Variants in ZAN observed in about 807,000 individuals in gnomAD.
ZAN encodes the protein zonadhesin (gene/pseudogene).
In ZAN, 260 loss-of-function variants were observed where a neutral mutation model predicts 286.2. The observed-to-expected ratio is 0.91, with a 90% confidence interval of 0.82 to 1.01. The LOEUF is 1.01. ZAN is among the 50% of genes least tolerant of loss of function. ZAN has a pLI of 0.00. For missense variants in ZAN, 3,410 were observed against 3,639.2 expected, an observed-to-expected ratio of 0.94 and a Z score of 1.62; for synonymous variants, 1,368 against 1,417.5, an observed-to-expected ratio of 0.97 and a Z score of 0.79.
At chr7:100,737,168 G>C in intron 5 of ZAN, 88 bp downstream of exon 5, 3 of 1,430,460 alleles carry the variant, frequency 2.1e-6, no homozygotes, top group Non-Finnish European at 2.9e-6. Context: ...AAGGGATTGT[G>C]GGGGCCAAGC....
At chr7:100,788,206 G>A in intron 38 of ZAN, 70 bp downstream of exon 38, 1 of 1,420,304 alleles carries the variant, frequency 7.0e-7, no homozygotes, top group Admixed American at 2.6e-5. Context: ...TGGAGTAGAA[G>A]TCAGGGATCC....
chr7:100,793,921 G>A lies in ZAN; in HGVS notation c.7889G>A (p.Arg2630His), dbSNP rs181220473. 97 of 1,613,968 alleles carry A rather than the reference G, an allele frequency of 6.0e-5. No homozygotes were observed. The East Asian group carries it at 7.6e-4, about 13-fold the overall frequency. Reference protein sequence around the residue: ...GRPRGLRGPLRGRLRQHPRLC... With the variant: ...GRPRGLRGPLHGRLRQHPRLC... ...CCCCGGGGACTGCGAGGGCCCCTGC[G>A]TGGAAGGCTGCGCCAGCATCCCAGG... Residue 2630 changes from arginine (R) to histidine (H), a missense_variant, in exon 43 of 48, where the codon CGT becomes CAT. Transcript: ENST00000613979.
chr7:100,760,425 C>A lies in ZAN; in HGVS notation c.3731C>A (p.Pro1244His), dbSNP rs767769551. ...GGQQVTLPAI[P>H]SKGVFLGASG... The stretch of plus-strand genomic sequence containing the variant: ...CAGCAAGTTACTCTCCCAGCCATAC[C>A]CTCTAAAGGCGTCTTCCTGGGTGCA... The change falls in exon 19 of 48, where the codon CCC becomes CAC. Residue 1244 changes from proline to histidine, a missense_variant. Coordinates refer to ENST00000613979, the MANE Select transcript of ZAN (RefSeq NM_003386.3). The A allele has an allele frequency of 1.9e-6, 3 of 1,613,780 alleles. No individual in the cohort carries two copies. The South Asian group carries it at 3.3e-5, about 18-fold the overall frequency.
chr7:100,791,593 G>T (rs942025732), intron 40 of ZAN, among the ~76,000 whole-genome samples: 1 of 152,020 alleles, frequency 6.6e-6, no homozygotes, highest in African/African-American at 2.4e-5. Context: ...TTTTAGTAGA[G>T]ACAGGGTTTC....
chr7:100,778,806 G>A (rs867846692), intron 34 of ZAN, among the ~76,000 whole-genome samples: 4 of 152,122 alleles, frequency 2.6e-5, no homozygotes, highest in African/African-American at 9.7e-5. Context: ...GCCGAGGCGG[G>A]TGGATCACTT....
chr7:100,749,954 G>C (rs1453587406), intron 11 of ZAN, among the ~76,000 whole-genome samples: 1 of 149,176 alleles, frequency 6.7e-6, no homozygotes, highest in Non-Finnish European at 1.5e-5. Context: ...GGGAGGCTGA[G>C]GCAGGACAAT....
Position 100,768,733 on chromosome 7 carries a change from G to A in ZAN, c.5153+12G>A, listed in dbSNP as rs1299096282. On this transcript the variant is annotated intron_variant, in intron 27 of 47. Transcript: ENST00000613979. ...TCCTCTGAACCTGGGTGAGCTGGGG[G>A]TCAGGGGAGCCAGGCAGGAGGGGCT... 6.3e-7 allele frequency: 1 copy of A among 1,580,348 alleles called. No individual in the cohort carries two copies. Among genetic ancestry groups the A allele is most frequent in the South Asian group, 1.2e-5 (1 of 86,744 alleles).
In ZAN at chr7:100,795,310, G is replaced by A. The variant is rs777907582; in HGVS notation, c.8240G>A (p.Arg2747Gln). Residue 2747 changes from arginine (R) to glutamine (Q), a missense_variant, in exon 45 of 48, where the codon CGA becomes CAA. Physicochemically the swap from Arg to Gln is conservative, Grantham distance 43. Around this residue, in one of 7 missense-constraint regions of ZAN, gnomAD observed 1,289 missense variants for 1,314.3 expected, o/e 0.98. Coordinates refer to ENST00000613979, the MANE Select transcript of ZAN (RefSeq NM_003386.3). Reference protein sequence around the residue: ...GYGGGLCMEPRDAPPPRKPAS... With the variant: ...GYGGGLCMEPQDAPPPRKPAS... Reference sequence around the variant, plus strand: ...GGGGGAGGCCTGTGTATGGAGCCTCGAGATGCGCCACCTCCCAGAAAGCCA... The same window carrying A: ...GGGGGAGGCCTGTGTATGGAGCCTCAAGATGCGCCACCTCCCAGAAAGCCA... The A allele has an allele frequency of 6.6e-5, 106 of 1,596,742 alleles. No homozygotes were observed. Among genetic ancestry groups the A allele is most frequent in the Non-Finnish European group, 8.6e-5 (101 of 1,169,518 alleles).
At position 100,752,807 on chromosome 7, in the gene ZAN, T is replaced by G. The variant is rs759364947; in HGVS notation, c.2702T>G (p.Ile901Ser). 3 of 1,576,628 alleles carry G rather than the reference T, an allele frequency of 1.9e-6. No homozygotes were observed. The highest frequency in any genetic ancestry group is 2.6e-6 in the Non-Finnish European group (3 of 1,163,040). Residue 901 changes from isoleucine to serine, a missense_variant, in exon 14 of 48, where the codon ATC becomes AGC. Coordinates refer to ENST00000613979, the MANE Select transcript of ZAN (RefSeq NM_003386.3). ...ACCATCTCCACAGAAAAACTCACCA[T>G]CCCCACAGAAAAACCCACCATCTCC... Reference protein sequence around the residue: ...ETTISTEKLTIPTEKPTISPE... With the variant: ...ETTISTEKLTSPTEKPTISPE...
At chr7:100,785,223 C>CTTTTTTTTTTT (rs5886135) in intron 36 of ZAN, among the ~76,000 whole-genome samples, 1 of 87,534 alleles carries the variant, frequency 1.1e-5, no homozygotes, top group Admixed American at 1.4e-4. Context: ...AACACAGTGC[C>CTTTTTTTTTTT]TTTTTTTTTT....
At chr7:100,783,374 G>A (rs545333408) in intron 35 of ZAN, among the ~76,000 whole-genome samples, 28 of 151,876 alleles carry the variant, frequency 1.8e-4, no homozygotes, top group Admixed American at 7.3e-4. Flanking sequence ...GGCTTTTCTG[G>A]TTTGCTTATG....
chr7:100,751,793 C>G lies in ZAN; in HGVS notation c.1688C>G (p.Pro563Arg), dbSNP rs1323175986. The G allele has an allele frequency of 2.3e-5, 37 of 1,613,204 alleles. No individual in the cohort carries two copies. Among genetic ancestry groups the G allele is most frequent in the Non-Finnish European group, 3.0e-5 (35 of 1,179,714 alleles). The change falls in exon 14 of 48, where the codon CCT becomes CGT. Residue 563 changes from proline (P) to arginine (R), a missense_variant. Around this residue, in one of 7 missense-constraint regions of ZAN, gnomAD observed 872 missense variants for 938.9 expected, o/e 0.93. Transcript: ENST00000613979. ...GAAACCACTGGCCTCACAGAAAACC[C>G]TACAATCTCCACCAAGAAACCTACA... ...PSETTGLTEN[P>R]TISTKKPTVS...
chr7:100,791,731 A>T (rs1289853407), intron 40 of ZAN, among the ~76,000 whole-genome samples: 2 of 150,108 alleles, frequency 1.3e-5, no homozygotes, highest in Non-Finnish European at 3.0e-5. Flanking sequence ...TTCTTTTTTT[A>T]AAATATATTT....
At chr7:100,759,515 T>G (rs1584581271) in intron 17 of ZAN, among the ~76,000 whole-genome samples, 1 of 152,110 alleles carries the variant, frequency 6.6e-6, no homozygotes, top group Non-Finnish European at 1.5e-5. Context: ...AGCCACTGAG[T>G]GGAGACAGAC....
intron 22 of ZAN, among the ~76,000 whole-genome samples, chr7:100,764,444 G>C (rs1809811286): frequency 1.3e-5 from 2 of 152,028 alleles, no homozygotes; most frequent in Non-Finnish European, 2.9e-5. Flanking sequence ...GCAGTGAGCC[G>C]AGATTGCGCC....
intron 40 of ZAN, among the ~76,000 whole-genome samples, chr7:100,791,672 G>A (rs571322822): frequency 8.5e-5 from 13 of 152,230 alleles, no homozygotes; most frequent in Non-Finnish European, 1.5e-4. Context: ...CTCCCAAAGT[G>A]CTGGGATTAC....
chr7:100,784,356 C>T (rs1218067489), intron 35 of ZAN, among the ~76,000 whole-genome samples: 1 of 152,030 alleles, frequency 6.6e-6, no homozygotes, highest in East Asian at 1.9e-4. Context: ...TCTCGATCTC[C>T]TGACCTTGTG....
At chr7:100,793,134 T>C (rs1248348089) in intron 42 of ZAN, among the ~76,000 whole-genome samples, 1 of 150,922 alleles carries the variant, frequency 6.6e-6, no homozygotes, top group Non-Finnish European at 1.5e-5. Flanking sequence ...AATCCAAGAG[T>C]TTGAGACCGG....
At chr7:100,789,129 G>T in intron 38 of ZAN, 89 bp from the exon 39 acceptor site, 1 of 1,523,330 alleles carries the variant, frequency 6.6e-7, no homozygotes, top group Non-Finnish European at 8.8e-7. Context: ...GACATATGGA[G>T]ATGACTGGGA....
Sources: allele counts gnomAD v4.1 joint callset (sites outside exome capture counted in the v4.1 genomes callset), GRCh38; gene constraint gnomAD v4.1.1; regional missense constraint gnomAD v4.1.1; transcripts MANE v1.5; gene names NCBI Gene and HGNC (gene_info 2026-07-23, HGNC 2026-07-21).